Variants in EIF4G3 observed in about 807,000 individuals in gnomAD.
EIF4G3 encodes the protein eIF-4-gamma 3.
EIF4G3 carries 34 observed loss-of-function variants against 186.4 expected under a neutral mutation model. That is an observed-to-expected ratio of 0.18 (90% CI 0.14 to 0.24). EIF4G3 has a LOEUF of 0.24. Ranked by LOEUF, EIF4G3 falls within the 10% of genes least tolerant of loss-of-function variation. The pLI is 1.00. For missense variants in EIF4G3, 1,536 were observed against 1,948.5 expected (o/e 0.79, Z 3.99); for synonymous variants, 673 against 679.5 (o/e 0.99, Z 0.15).
At chr1:20,912,515 G>C (rs1280524717) in intron 14 of EIF4G3, among the ~76,000 whole-genome samples, 1 of 152,056 alleles carries the variant, frequency 6.6e-6, no homozygotes, top group African/African-American at 2.4e-5. Flanking sequence ...TCCAGAGTCT[G>C]GGTCTCTTAG....
At chr1:21,067,733 A>G (rs1034645448) in intron 3 of EIF4G3, among the ~76,000 whole-genome samples, 2 of 152,196 alleles carry the variant, frequency 1.3e-5, no homozygotes, top group African/African-American at 2.4e-5. Flanking sequence ...CCTAGGAATC[A>G]GGTTCAAAGT....
At chr1:21,074,409 A>G (rs1236899484) in intron 3 of EIF4G3, among the ~76,000 whole-genome samples, 2 of 152,248 alleles carry the variant, frequency 1.3e-5, no homozygotes, top group African/African-American at 2.4e-5. Context: ...GCTAAACATT[A>G]TAAGAATGCC....
intron 2 of EIF4G3, among the ~76,000 whole-genome samples, chr1:21,113,249 T>G (rs935273325): frequency 1.3e-5 from 2 of 151,914 alleles, no homozygotes; most frequent in African/African-American, 4.8e-5. Flanking sequence ...TCATGTCTGG[T>G]TTAATGGTAG....
intron 15 of EIF4G3, among the ~76,000 whole-genome samples, chr1:20,900,480 G>A (rs557470131): frequency 1.3e-5 from 2 of 149,656 alleles, no homozygotes; most frequent in Admixed American, 6.7e-5. Flanking sequence ...AGACTTCTCT[G>A]AGGCTGTGAC....
At position 21,111,392 on chromosome 1, in the gene EIF4G3, A is replaced by G. The variant is rs570985959; in HGVS notation, c.-271-22179T>C. On this transcript the variant is annotated intron_variant, in intron 2 of 36. Coordinates refer to ENST00000602326, the MANE Select transcript of EIF4G3 (RefSeq NM_001391906.1). ...AATACTCTGTGGGATTGCTGGAAAGAATTAGCAAAATAAGGCTTATGATGG... is the reference window on the plus strand; with the variant it reads ...AATACTCTGTGGGATTGCTGGAAAGGATTAGCAAAATAAGGCTTATGATGG... The G allele has an allele frequency of 2.8e-5, 13 of 471,596 alleles. No homozygotes were observed. The East Asian group carries it at 9.0e-4, about 33-fold the overall frequency. The allele number at this position is 471,596 out of a possible 1,614,324, so 29.2% of individuals were successfully genotyped here.
chr1:21,038,685 C>T lies in EIF4G3; in HGVS notation c.-67+12181G>A, dbSNP rs185129628. On this transcript the variant is annotated intron_variant, in intron 4 of 36. Transcript: ENST00000602326. ...TTCTCTCTCTCTGTTTCTCTTAGAA[C>T]TAGGACTTCAAATTAGATTTTTAAG... Among the ~76,000 whole-genome samples the T allele has an allele frequency of 6.1e-3, 929 of 152,262 alleles. 38 individuals carry two copies. Among genetic ancestry groups the T allele is most frequent in the Admixed American group, 0.049 (751 of 15,278 alleles).
At chr1:20,921,154 AT>A (rs1323546965) in intron 14 of EIF4G3, among the ~76,000 whole-genome samples, 2 of 152,218 alleles carry the variant, frequency 1.3e-5, no homozygotes, top group African/African-American at 4.8e-5. Context: ...AAGAAAAAAA[AT>A]CTTCTAATTT....
intron 3 of EIF4G3, among the ~76,000 whole-genome samples, chr1:21,081,858 G>C (rs1294002069): frequency 6.6e-6 from 1 of 151,896 alleles, no homozygotes; most frequent in Non-Finnish European, 1.5e-5. Flanking sequence ...GGCCAAGCTG[G>C]TCTCGAACTC....
rs577290987 is a variant in EIF4G3, at chr1:20,857,162, C to CAAAAAAAAAAAAAAAA, written c.3339+225_3339+240dup. Among the ~76,000 whole-genome samples, 39 of 47,344 alleles carry CAAAAAAAAAAAAAAAA rather than the reference C, an allele frequency of 8.2e-4. 3 individuals carry two copies. Among genetic ancestry groups the CAAAAAAAAAAAAAAAA allele is most frequent in the African/African-American group, 3.0e-3 (36 of 11,976 alleles). The allele number at this position is 47,344 out of a possible 152,430, so 31.1% of individuals were successfully genotyped here. ...TGGGCGACAGAGTGAGACTCCATCTCAAAAAAAAAAAAAAAAAGAAAATGT... is the reference window on the plus strand; with the variant it reads ...TGGGCGACAGAGTGAGACTCCATCTCAAAAAAAAAAAAAAAAAAAAAAAAAAAAAAAAAGAAAATGT... On this transcript the variant is annotated intron_variant, in intron 25 of 36. Transcript: ENST00000602326.
chr1:20,998,224 CACACACACACACA>C, intron 6 of EIF4G3, among the ~76,000 whole-genome samples: 1 of 39,326 alleles, frequency 2.5e-5, no homozygotes, highest in Non-Finnish European at 6.6e-5. Context: ...CACACACACA[CACACACACACACA>C]CACACACACA....
chr1:21,040,541 C>T (rs764009221), intron 4 of EIF4G3, among the ~76,000 whole-genome samples: 1 of 152,098 alleles, frequency 6.6e-6, no homozygotes, highest in Non-Finnish European at 1.5e-5. Context: ...GAGGCCGGGA[C>T]GTATGGCTGG....
chr1:21,083,487 CTTT>C (rs11368580), intron 3 of EIF4G3, among the ~76,000 whole-genome samples: 2 of 144,424 alleles, frequency 1.4e-5, no homozygotes, highest in African/African-American at 5.1e-5. Flanking sequence ...CACACACACA[CTTT>C]TTTTTTTTTT....
chr1:20,806,539 A>T lies in EIF4G3; in HGVS notation c.*780T>A, dbSNP rs1241666218. ...TTATATTTTCAAAGTGAAAAGAAAT[A>T]GTACTGAGTCAATTTCTTTTTGTTT... is the stretch of plus-strand genomic sequence containing the variant. On this transcript the variant is annotated 3_prime_UTR_variant, in exon 37 of 37. Transcript: ENST00000602326. 1 of 152,606 alleles carries T rather than the reference A, an allele frequency of 6.6e-6. No homozygotes were observed. The highest frequency in any genetic ancestry group is 1.5e-5 in the Non-Finnish European group (1 of 68,032). 9.5% of individuals were successfully genotyped at this position (152,606 alleles called of 1,614,324 possible).
intron 4 of EIF4G3, among the ~76,000 whole-genome samples, chr1:21,021,578 CAG>C (rs1442573516): frequency 1.3e-5 from 2 of 151,908 alleles, no homozygotes; most frequent in Non-Finnish European, 2.9e-5. Flanking sequence ...TATGTGGAGA[CAG>C]AGTCTTGCTC....
intron 2 of EIF4G3, among the ~76,000 whole-genome samples, chr1:21,096,897 T>C (rs1242403469): frequency 6.6e-6 from 1 of 152,148 alleles, no homozygotes; most frequent in African/African-American, 2.4e-5. Context: ...GAATGTAACT[T>C]TAATGTGCTA....
chr1:20,986,241 CCT>C (rs1380921309), intron 7 of EIF4G3, among the ~76,000 whole-genome samples: 1 of 152,162 alleles, frequency 6.6e-6, no homozygotes, highest in Non-Finnish European at 1.5e-5. Flanking sequence ...AGGCAATATA[CCT>C]CTCTTATTCC....
At chr1:21,027,631 A>G (rs1320017240) in intron 4 of EIF4G3, among the ~76,000 whole-genome samples, 2 of 151,888 alleles carry the variant, frequency 1.3e-5, no homozygotes, top group African/African-American at 2.4e-5. Flanking sequence ...CTCCATCTCA[A>G]AAAAAAGGAA....
intron 4 of EIF4G3, among the ~76,000 whole-genome samples, chr1:21,022,631 A>G (rs1435573369): frequency 1.3e-5 from 2 of 152,206 alleles, no homozygotes; most frequent in Non-Finnish European, 2.9e-5. Flanking sequence ...TAGACATCAC[A>G]TAGTTCTATT....
chr1:20,956,306 G>A (rs1349531992), intron 12 of EIF4G3, among the ~76,000 whole-genome samples: 1 of 152,190 alleles, frequency 6.6e-6, no homozygotes, highest in Non-Finnish European at 1.5e-5. Context: ...CAATAGTGAA[G>A]AGACACTGGA....
Sources: allele counts gnomAD v4.1 joint callset (sites outside exome capture counted in the v4.1 genomes callset), GRCh38; gene constraint gnomAD v4.1.1; transcripts MANE v1.5; gene names NCBI Gene and HGNC (gene_info 2026-07-23, HGNC 2026-07-21).